FANCB: variants seen among roughly 807,000 people sequenced by gnomAD.
FANCB encodes the protein FA complementation group B.
Under a neutral mutation model 38.9 loss-of-function variants are expected in FANCB, and 5 were observed. The ratio of observed to expected loss-of-function variants is 0.13; its 90% CI spans 0.07 to 0.27. The LOEUF (loss-of-function observed/expected upper bound fraction) is 0.27. Among genes scored for constraint, FANCB ranks in the 10% least tolerant of loss-of-function variants. The pLI is 1.00. For synonymous variants in FANCB, 236 were observed against 215.4 expected, an observed-to-expected ratio of 1.10 and a Z score of -0.84; for missense variants, 573 against 602.7, an observed-to-expected ratio of 0.95 and a Z score of 0.52.
At chrX:14,718,946 T>G in the FANCB span, among the ~76,000 whole-genome samples, 1 of 111,697 alleles carries the variant, frequency 9.0e-6, no homozygotes, top group Admixed American at 9.5e-5. Flanking sequence ...TAACTCTCAG[T>G]AGGAAGAGCT....
the FANCB span, among the ~76,000 whole-genome samples, chrX:14,785,106 C>A: frequency 9.0e-6 from 1 of 111,718 alleles, no homozygotes; most frequent in Non-Finnish European, 1.9e-5. Context: ...GTGCAGCACA[C>A]CACCATGGCA....
At chrX:14,843,304 C>G, downstream of FANCB, 1 of 309,513 alleles carries the variant, frequency 3.2e-6, no homozygotes, top group South Asian at 6.0e-5. Flanking sequence ...CCCTGCCTCA[C>G]CCCTTCCTGA....
the FANCB span, among the ~76,000 whole-genome samples, chrX:14,768,976 T>C: frequency 8.9e-6 from 1 of 112,101 alleles, no homozygotes; most frequent in Non-Finnish European, 1.9e-5. Context: ...TATTTGCATA[T>C]GTTGAATCAA....
chrX:14,805,480 A>G, the FANCB span, among the ~76,000 whole-genome samples: 35 of 110,684 alleles, frequency 3.2e-4, no homozygotes, highest in African/African-American at 9.2e-4. Flanking sequence ...CTCCCTTATC[A>G]TGGAGAACAC....
chrX:14,835,896 A>G (rs2092340018), downstream of FANCB: 1 of 112,454 alleles, frequency 8.9e-6, no homozygotes, highest in African/African-American at 3.2e-5. Flanking sequence ...TAAAATTACC[A>G]TATGATCTAG....
At chrX:14,735,040 T>G in the FANCB span, among the ~76,000 whole-genome samples, 2 of 109,286 alleles carry the variant, frequency 1.8e-5, no homozygotes, top group African/African-American at 6.7e-5. Flanking sequence ...TGCTTGTGTA[T>G]ACTTCACGAA....
At chrX:14,827,878 T>G in the FANCB span, among the ~76,000 whole-genome samples, 8 of 111,727 alleles carry the variant, frequency 7.2e-5, no homozygotes, top group African/African-American at 1.3e-4. Flanking sequence ...CTCTTGATGA[T>G]TCTAGTTCAG....
At chrX:14,699,964 C>T in the FANCB span, among the ~76,000 whole-genome samples, 1 of 111,706 alleles carries the variant, frequency 9.0e-6, no homozygotes, top group Non-Finnish European at 1.9e-5. Context: ...ACAACACACA[C>T]TGGGGTCTTT....
chrX:14,716,680 C>G, the FANCB span, among the ~76,000 whole-genome samples: 1 of 111,558 alleles, frequency 9.0e-6, no homozygotes, highest in East Asian at 2.8e-4. Context: ...TTTTGACATG[C>G]TCCCAGGAGC....
chrX:14,724,652 A>AC, the FANCB span, among the ~76,000 whole-genome samples: 1 of 100,229 alleles, frequency 1.0e-5, no homozygotes, highest in African/African-American at 3.8e-5. Flanking sequence ...AAAAAAAAAA[A>AC]CAAGAAGAAG....
At chrX:14,811,880 C>T in the FANCB span, among the ~76,000 whole-genome samples, 1 of 111,809 alleles carries the variant, frequency 8.9e-6, no homozygotes, top group South Asian at 3.8e-4. Context: ...AGCACCACAC[C>T]TTACCTATTC....
chrX:14,763,317 A>T, the FANCB span, among the ~76,000 whole-genome samples: 1 of 112,393 alleles, frequency 8.9e-6, no homozygotes, highest in South Asian at 3.7e-4. Context: ...GGTATCTTCT[A>T]AAAAGGGAAT....
At chrX:14,801,804 T>C in the FANCB span, among the ~76,000 whole-genome samples, 14,579 of 110,163 alleles carry the variant, frequency 0.13, 1,598 homozygotes, top group African/African-American at 0.36. Context: ...CACCCTTCTA[T>C]TTATTCTTAT....
chrX:14,795,965 C>T, the FANCB span, among the ~76,000 whole-genome samples: 2 of 111,466 alleles, frequency 1.8e-5, no homozygotes, highest in African/African-American at 6.5e-5. Flanking sequence ...TTGATAGGTG[C>T]CTTATAATAC....
chrX:14,767,090 T>C, the FANCB span, among the ~76,000 whole-genome samples: 11 of 112,245 alleles, frequency 9.8e-5, no homozygotes, highest in Non-Finnish European at 1.7e-4. Context: ...CTAGTTTCCT[T>C]GATGGGCATT....
At chrX:14,714,731 T>C in the FANCB span, among the ~76,000 whole-genome samples, 1 of 112,532 alleles carries the variant, frequency 8.9e-6, no homozygotes, top group African/African-American at 3.2e-5. Context: ...ATGAAGGTGA[T>C]GTTGTATAAT....
At chrX:14,792,282 AT>A in the FANCB span, among the ~76,000 whole-genome samples, 2 of 111,257 alleles carry the variant, frequency 1.8e-5, no homozygotes, top group Non-Finnish European at 3.8e-5. Flanking sequence ...TAATGAGAGG[AT>A]TTTTTTCAAG....
chrX:14,860,367 C>T (rs926161003), intron 3 of FANCB, among the ~76,000 whole-genome samples: 1 of 111,896 alleles, frequency 8.9e-6, no homozygotes, highest in Non-Finnish European at 1.9e-5. Context: ...AAACCCATAT[C>T]CTCCCTTTCT....
rs1301717196 is a variant in FANCB, at chrX:14,859,283, C to T, written c.1003G>A (p.Gly335Arg). ...AGGAGTACTTGTTCAGTTCCACTTC[C>T]AATAAAGTCATCTATCAGTACTAAG... ...LSLVLIDDFI[G>R]SGTEQVLLLF... The change falls in exon 4 of 10, where the codon GGA (glycine) becomes AGA (arginine). Residue 335 changes from glycine (G) to arginine (R), a missense_variant. Physicochemically the swap from Gly to Arg is moderately radical, Grantham distance 125. Coordinates refer to ENST00000650831, the MANE Select transcript of FANCB (RefSeq NM_001018113.3). 2.5e-6 allele frequency: 3 copies of T among 1,187,144 alleles called. No individual in the cohort carries two copies. The highest frequency in any genetic ancestry group is 3.4e-6 in the Non-Finnish European group (3 of 875,190).
Sources: allele counts gnomAD v4.1 joint callset (sites outside exome capture counted in the v4.1 genomes callset), GRCh38; gene constraint gnomAD v4.1.1; transcripts MANE v1.5; gene names NCBI Gene and HGNC (gene_info 2026-07-23, HGNC 2026-07-21).